NRL: variants seen among roughly 807,000 people sequenced by gnomAD.
NRL encodes the protein neural retina-specific leucine zipper protein.
Under a neutral mutation model 12.5 loss-of-function variants are expected in NRL, and 16 were observed. That is an observed-to-expected ratio of 1.28 (90% CI 0.87 to 1.95). NRL has a LOEUF of 1.95. Among genes scored for constraint, NRL ranks in the 30% most tolerant of loss-of-function variants. NRL has a pLI of 0.00. For synonymous variants in NRL, 142 were observed against 150.9 expected (o/e 0.94, Z 0.43); for missense variants, 314 against 325.8 (o/e 0.96, Z 0.28).
At chr14:24,102,949 A>C (rs1049516059) in intron 1 of NRL, 25 of 1,517,840 alleles carry the variant, frequency 1.6e-5, no homozygotes, top group Middle Eastern at 3.5e-4. Flanking sequence ...ATTAGGGCCT[A>C]CCTCCCTCCC....
intron 2 of NRL, 68 bp downstream of exon 2, chr14:24,082,400 C>T: frequency 6.3e-7 from 1 of 1,599,772 alleles, no homozygotes; most frequent in Non-Finnish European, 8.5e-7. Flanking sequence ...TGGGAGCTCC[C>T]CTTCCTCTCT....
chr14:24,094,714 C>T lies in NRL; in HGVS notation c.-27-11839G>A. 1 of 1,503,472 alleles carries T rather than the reference C, an allele frequency of 6.7e-7. No individual in the cohort carries two copies. Among genetic ancestry groups the T allele is most frequent in the Non-Finnish European group, 8.9e-7 (1 of 1,127,928 alleles). The allele number at this position is 1,503,472 out of a possible 1,614,324, so 93.1% of individuals were successfully genotyped here. A position where few individuals can be genotyped will look rare whatever the true frequency, so the allele number is the denominator to read the frequency against. On this transcript the variant is annotated intron_variant, in intron 1 of 2. Transcript: ENST00000561028. The surrounding 1 kb of genome is among the most constrained non-coding windows in gnomAD (Gnocchi z 4.1). ...CCACTCTCAGAACTTCCTCTCTCTC[C>T]TCGCTCCTCTCTGCTGAGCCAGGTC...
intron 1 of NRL, among the ~76,000 whole-genome samples, chr14:24,087,726 T>C (rs952498873): frequency 6.6e-6 from 1 of 152,204 alleles, no homozygotes; most frequent in African/African-American, 2.4e-5. Context: ...TAACTTACAC[T>C]AATACCAGCC....
intron 1 of NRL, among the ~76,000 whole-genome samples, chr14:24,111,464 C>A (rs999132092): frequency 2.0e-5 from 3 of 152,078 alleles, no homozygotes; most frequent in Non-Finnish European, 4.4e-5. Flanking sequence ...ACCTCCACCT[C>A]CCGGGTTCAA....
intron 1 of NRL, chr14:24,099,187 T>G: frequency 6.2e-7 from 1 of 1,606,642 alleles, no homozygotes; most frequent in Non-Finnish European, 8.5e-7. Context: ...GCCCTACGCA[T>G]CGCCTCTCGG....
rs774260179 is a variant in NRL at position 24,098,505 on chromosome 14, T to C, written c.-27-15630A>G. 5.6e-6 allele frequency: 9 copies of C among 1,614,028 alleles called. No individual in the cohort carries two copies. The Admixed American group carries it at 8.3e-5, about 15-fold the overall frequency. On this transcript the variant is annotated intron_variant, in intron 1 of 2. Coordinates refer to ENST00000561028, the MANE Select transcript of NRL (RefSeq NM_001354768.3). ...ACCATGTATGTGCTTCCATTCAGCA[T>C]GGGTCCTGTGGGCTCCCCGCTGTCC...
chr14:24,081,154 C>G lies in NRL; in HGVS notation c.*82G>C. The G allele has an allele frequency of 3.0e-6, 3 of 1,009,348 alleles. No homozygotes were observed. The highest frequency in any genetic ancestry group is 3.4e-5 in the South Asian group (1 of 29,256). The allele number at this position is 1,009,348 out of a possible 1,614,324, so 62.5% of individuals were successfully genotyped here. On this transcript the variant is annotated 3_prime_UTR_variant, in exon 3 of 3. Coordinates refer to ENST00000561028, the MANE Select transcript of NRL (RefSeq NM_001354768.3). The surrounding 1 kb of genome is among the most constrained non-coding windows in gnomAD (Gnocchi z 4.4). ...CTAGGACCAGAAGGCGCTCTGGTAACGATGCAGAGAACCGTGCAGCCGCCT... is the reference window on the plus strand; with the variant it reads ...CTAGGACCAGAAGGCGCTCTGGTAAGGATGCAGAGAACCGTGCAGCCGCCT...
At chr14:24,098,639 A>G (rs1399490541) in intron 1 of NRL, 43 of 1,613,846 alleles carry the variant, frequency 2.7e-5, no homozygotes, top group Non-Finnish European at 3.4e-5. Flanking sequence ...TGACTTTGTC[A>G]AGTGTCTGCA....
chr14:24,094,769 C>T lies in NRL; in HGVS notation c.-27-11894G>A, dbSNP rs1264619350. 1 of 1,415,982 alleles carries T rather than the reference C, an allele frequency of 7.1e-7. No individual in the cohort carries two copies. Among genetic ancestry groups the T allele is most frequent in the African/African-American group, 1.4e-5 (1 of 70,170 alleles). 87.7% of individuals were successfully genotyped at this position (1,415,982 alleles called of 1,614,324 possible). The stretch of plus-strand genomic sequence containing the variant: ...CATATCCTCCTTTCCTTCCCAGATA[C>T]CTCCCTCGGACCTCTAACGGGCTCT... On this transcript the variant is annotated intron_variant, in intron 1 of 2. Coordinates refer to ENST00000561028, the MANE Select transcript of NRL (RefSeq NM_001354768.3). This position sits in a 1 kb window ranked among gnomAD's most constrained non-coding sequence, Gnocchi z 4.1.
At chr14:24,111,142 G>A (rs771089855) in intron 1 of NRL, among the ~76,000 whole-genome samples, 2 of 152,034 alleles carry the variant, frequency 1.3e-5, no homozygotes, top group Non-Finnish European at 1.5e-5. Context: ...CACGATGGCC[G>A]GCTATTTTTT....
At chr14:24,100,173 T>C in intron 1 of NRL, 1 of 1,614,176 alleles carries the variant, frequency 6.2e-7, no homozygotes. Context: ...TTCCACCTGG[T>C]GTTACTGTGA....
intron 1 of NRL, among the ~76,000 whole-genome samples, chr14:24,093,856 G>T (rs2036720381): frequency 6.6e-6 from 1 of 152,152 alleles, no homozygotes; most frequent in Non-Finnish European, 1.5e-5. Flanking sequence ...TGGGCACTTG[G>T]ACTACAGAAA....
In NRL at chr14:24,094,574, G is replaced by A; in HGVS notation, c.-27-11699C>T. 6.9e-7 allele frequency: 1 copy of A among 1,449,836 alleles called. No individual in the cohort carries two copies. The highest frequency in any genetic ancestry group is 9.1e-7 in the Non-Finnish European group (1 of 1,104,946). The allele number at this position is 1,449,836 out of a possible 1,614,324, so 89.8% of individuals were successfully genotyped here. A position where few individuals can be genotyped will look rare whatever the true frequency, so the allele number is the denominator to read the frequency against. On this transcript the variant is annotated intron_variant, in intron 1 of 2. Coordinates refer to ENST00000561028, the MANE Select transcript of NRL (RefSeq NM_001354768.3). The surrounding 1 kb of genome is among the most constrained non-coding windows in gnomAD (Gnocchi z 4.1). Reference sequence around the variant, plus strand: ...AGGCGGGCAGGGGCGACTGCTGTGGGTCCAGCCTCCCGCGCCGCGCGTCTC... The same window carrying A: ...AGGCGGGCAGGGGCGACTGCTGTGGATCCAGCCTCCCGCGCCGCGCGTCTC...
chr14:24,105,129 G>A lies in NRL; in HGVS notation c.-28+9593C>T, dbSNP rs938619813. 2.6e-5 allele frequency among the ~76,000 whole-genome samples: 4 copies of A among 152,200 alleles called. No individual in the cohort carries two copies. The South Asian group carries it at 6.2e-4, about 24-fold the overall frequency. On this transcript the variant is annotated intron_variant, in intron 1 of 2. Coordinates refer to ENST00000561028, the MANE Select transcript of NRL (RefSeq NM_001354768.3). ...TAGATTAACTAAAAGTATTCCTTAC[G>A]GGAAACAAAGGGATGGGCCAAAATG...
chr14:24,114,013 G>A (rs2037474235), intron 1 of NRL, among the ~76,000 whole-genome samples: 1 of 151,976 alleles, frequency 6.6e-6, no homozygotes, highest in Admixed American at 6.6e-5. Context: ...TTGGACTCAG[G>A]CTTGTTACTC....
In NRL at chr14:24,081,257, G is replaced by T; in HGVS notation, c.693C>A (p.Asp231Glu). Residue 231 changes from aspartate to glutamate, a missense_variant, in exon 3 of 3, where the codon GAC becomes GAA. Transcript: ENST00000561028. This position sits in a 1 kb window ranked among gnomAD's most constrained non-coding sequence, Gnocchi z 4.4. ...RLTSSGPGSGDPSHLFL is the reference protein window; with the variant it reads ...RLTSSGPGSGEPSHLFL ...CGGCTCAGAGGAAGAGGTGGGAGGG[G>T]TCCCCGGACCCGGGGCCGCTCGAGG... 1.3e-6 allele frequency: 2 copies of T among 1,504,974 alleles called. No homozygotes were observed. 93.2% of individuals were successfully genotyped at this position (1,504,974 alleles called of 1,614,324 possible).
At chr14:24,095,462 C>G in intron 1 of NRL, 1 of 339,664 alleles carries the variant, frequency 2.9e-6, no homozygotes, top group Non-Finnish European at 5.9e-6. Flanking sequence ...GCTTCTACCC[C>G]AGACAGACTC....
In NRL at chr14:24,080,937, T is replaced by A. The variant is rs2036261452; in HGVS notation, c.*299A>T. ...ACCCTCCTCCACCTCCCATTCACTG[T>A]GTCACCACACTTCCACCCCCCAGTG... On this transcript the variant is annotated 3_prime_UTR_variant, in exon 3 of 3. Transcript: ENST00000561028. 3.2e-6 allele frequency: 1 copy of A among 316,908 alleles called. No individual in the cohort carries two copies. The highest frequency in any genetic ancestry group is 2.2e-5 in the African/African-American group (1 of 46,440). 19.6% of individuals were successfully genotyped at this position (316,908 alleles called of 1,614,324 possible).
chr14:24,083,663 C>T (rs1328861549), intron 1 of NRL, among the ~76,000 whole-genome samples: 1 of 152,180 alleles, frequency 6.6e-6, no homozygotes, highest in East Asian at 1.9e-4. Context: ...TCAATGAGGG[C>T]AGTTAGACTT....
Sources: allele counts gnomAD v4.1 joint callset (sites outside exome capture counted in the v4.1 genomes callset), GRCh38; gene constraint gnomAD v4.1.1; non-coding constraint Gnocchi (gnomAD v3.1); transcripts MANE v1.5; gene names NCBI Gene and HGNC (gene_info 2026-07-23, HGNC 2026-07-21).